BCKDHB: variants seen among roughly 807,000 people sequenced by gnomAD.
The protein encoded by BCKDHB is 2-oxoisovalerate dehydrogenase subunit beta, mitochondrial.
Under a neutral mutation model 48.5 loss-of-function variants are expected in BCKDHB, and 41 were observed. That is an observed-to-expected ratio of 0.85 (90% confidence interval 0.66 to 1.10). The LOEUF is 1.10. Among genes scored for constraint, BCKDHB ranks in the 50% least tolerant of loss-of-function variants. The pLI, the probability that BCKDHB is intolerant of heterozygous loss-of-function variation, is 0.00. For synonymous variants in BCKDHB, 201 were observed against 174.8 expected, an observed-to-expected ratio of 1.15 and a Z score of -1.18; for missense variants, 496 against 494.2, an observed-to-expected ratio of 1.00 and a Z score of -0.03.
chr6:80,441,375 ACT>A, the BCKDHB span, among the ~76,000 whole-genome samples: 1 of 152,086 alleles, frequency 6.6e-6, no homozygotes. Context: ...TGGCTGCCAA[ACT>A]CTGGAGAGCT....
chr6:80,337,393 A>G (rs894125468), intron 9 of BCKDHB, among the ~76,000 whole-genome samples: 4 of 152,040 alleles, frequency 2.6e-5, no homozygotes, highest in African/African-American at 9.7e-5. Flanking sequence ...ACTAATTATG[A>G]CCTCTAGAAG....
At chr6:80,214,812 A>T (rs1775095449) in intron 8 of BCKDHB, among the ~76,000 whole-genome samples, 1 of 152,218 alleles carries the variant, frequency 6.6e-6, no homozygotes, top group Non-Finnish European at 1.5e-5. Context: ...TCGTGAATTG[A>T]AAACAACAAA....
chr6:80,419,237 A>G, the BCKDHB span, among the ~76,000 whole-genome samples: 414 of 152,282 alleles, frequency 2.7e-3, 2 homozygotes, highest in African/African-American at 9.6e-3. Context: ...GGGAAGCTGC[A>G]ATATGAAGAA....
intron 9 of BCKDHB, among the ~76,000 whole-genome samples, chr6:80,342,268 G>A (rs1769943275): frequency 1.3e-5 from 2 of 151,932 alleles, no homozygotes; most frequent in Admixed American, 1.3e-4. Context: ...AAAAAAAACT[G>A]GACCTCCTTA....
the BCKDHB span, among the ~76,000 whole-genome samples, chr6:80,415,017 G>A: frequency 6.6e-6 from 1 of 151,598 alleles, no homozygotes. Context: ...GTGTGTGTGT[G>A]TGTGTGGCAA....
At chr6:80,387,456 T>C in the BCKDHB span, among the ~76,000 whole-genome samples, 1 of 152,314 alleles carries the variant, frequency 6.6e-6, no homozygotes, top group African/African-American at 2.4e-5. Context: ...GCAGGGGTGG[T>C]GATTCCCACC....
the BCKDHB span, among the ~76,000 whole-genome samples, chr6:80,390,638 G>C: frequency 0.37 from 55,934 of 151,994 alleles, 11,869 homozygotes; most frequent in East Asian, 0.66. Context: ...GTGCGTTTCC[G>C]GTTGTACGGA....
the BCKDHB span, among the ~76,000 whole-genome samples, chr6:80,461,839 G>A: frequency 1.3e-5 from 2 of 152,228 alleles, no homozygotes; most frequent in African/African-American, 4.8e-5. Flanking sequence ...TGATGTAAAT[G>A]TGGAGAAAAC....
chr6:80,175,466 A>C (rs969214620), intron 6 of BCKDHB, among the ~76,000 whole-genome samples: 2 of 152,220 alleles, frequency 1.3e-5, no homozygotes, highest in Admixed American at 1.3e-4. Context: ...AGAAGCTATA[A>C]ATTTTAAGGA....
chr6:80,196,731 A>G (rs1774146832), intron 6 of BCKDHB, among the ~76,000 whole-genome samples: 1 of 152,178 alleles, frequency 6.6e-6, no homozygotes, highest in Non-Finnish European at 1.5e-5. Context: ...AACTGGGAGA[A>G]AAAAGGAGGA....
chr6:80,303,415 C>T (rs1317048852), intron 9 of BCKDHB, among the ~76,000 whole-genome samples: 1 of 151,968 alleles, frequency 6.6e-6, no homozygotes, highest in Non-Finnish European at 1.5e-5. Flanking sequence ...AGAGAACATC[C>T]AACACAGTTT....
downstream of BCKDHB, chr6:80,346,378 A>G (rs563282664): frequency 6.6e-6 from 1 of 152,324 alleles, no homozygotes; most frequent in South Asian, 2.1e-4. Flanking sequence ...AGTATTCACT[A>G]TAGAAATGGT....
the BCKDHB span, among the ~76,000 whole-genome samples, chr6:80,396,208 T>A: frequency 1.3e-5 from 2 of 152,268 alleles, no homozygotes; most frequent in African/African-American, 4.8e-5. Context: ...AGCTTGCACT[T>A]TGTGCCTGGA....
At chr6:80,198,532 C>CA (rs202005939) in intron 6 of BCKDHB, among the ~76,000 whole-genome samples, 3,018 of 151,882 alleles carry the variant, frequency 0.02, 92 homozygotes, top group African/African-American at 0.069. Context: ...TGGAAATCTA[C>CA]AAAAAAACAA....
the BCKDHB span, among the ~76,000 whole-genome samples, chr6:80,372,006 A>G: frequency 6.6e-6 from 1 of 151,970 alleles, no homozygotes; most frequent in South Asian, 2.1e-4. Context: ...TGTTTTTCCT[A>G]GATGTGTGAA....
At chr6:80,272,278 A>C (rs1777778773) in intron 8 of BCKDHB, among the ~76,000 whole-genome samples, 1 of 152,162 alleles carries the variant, frequency 6.6e-6, no homozygotes, top group African/African-American at 2.4e-5. Context: ...TTTGCTTGAA[A>C]GATTTCATTT....
At chr6:80,318,084 T>A (rs988126360) in intron 9 of BCKDHB, among the ~76,000 whole-genome samples, 1 of 152,216 alleles carries the variant, frequency 6.6e-6, no homozygotes, top group African/African-American at 2.4e-5. Context: ...TGTGGGTGTT[T>A]GGGTAATAAT....
chr6:80,220,988 C>G (rs1775423219), intron 8 of BCKDHB, among the ~76,000 whole-genome samples: 2 of 152,084 alleles, frequency 1.3e-5, no homozygotes, highest in South Asian at 4.1e-4. Context: ...CTGCCTTGGC[C>G]TCCCAAAGTG....
At chr6:80,139,619 T>C (rs1256923949) in intron 3 of BCKDHB, among the ~76,000 whole-genome samples, 2 of 151,958 alleles carry the variant, frequency 1.3e-5, no homozygotes, top group Non-Finnish European at 2.9e-5. Context: ...GTTGTAGATA[T>C]GTGGCATTAT....
Sources: allele counts gnomAD v4.1 joint callset (sites outside exome capture counted in the v4.1 genomes callset), GRCh38; gene constraint gnomAD v4.1.1; transcripts MANE v1.5; gene names NCBI Gene and HGNC (gene_info 2026-07-23, HGNC 2026-07-21).